The following PCDHGA12 variants were observed in gnomAD, a reference collection of about 807,000 sequenced individuals.
PCDHGA12 encodes the protein protocadherin gamma-A12.
PCDHGA12 carries 43 observed loss-of-function variants against 61.1 expected under a neutral mutation model. The observed-to-expected ratio is 0.70, with a 90% CI of 0.55 to 0.91. PCDHGA12 has a LOEUF of 0.91. Among genes scored for constraint, PCDHGA12 ranks in the 40% least tolerant of loss-of-function variants. The pLI is 0.00. For missense variants in PCDHGA12, 1,236 were observed against 1,227.7 expected (o/e 1.01, Z -0.10); for synonymous variants, 520 against 542.9 (o/e 0.96, Z 0.59).
chr5:141,497,693 C>T (rs2099778709), intron 2 of PCDHGA12, among the ~76,000 whole-genome samples: 2 of 152,136 alleles, frequency 1.3e-5, no homozygotes, highest in Admixed American at 6.5e-5. Context: ...GTGTGCACCA[C>T]CACACCCAGC....
rs1374094845 is a variant in PCDHGA12, at chr5:141,476,576, T to A, written c.2425-18231T>A. On this transcript the variant is annotated intron_variant, in intron 1 of 3. Coordinates refer to ENST00000252085, the MANE Select transcript of PCDHGA12 (RefSeq NM_003735.3). The surrounding 1 kb of genome is among the most constrained non-coding windows in gnomAD (Gnocchi z 7.6). Reference sequence around the variant, plus strand: ...CGAGGCCGTGGCTCCGGGGACGCGCTTTCCGCTCGAGAGCGCGCACGATCC... The same window carrying A: ...CGAGGCCGTGGCTCCGGGGACGCGCATTCCGCTCGAGAGCGCGCACGATCC... 3 of 1,614,102 alleles carry A rather than the reference T, an allele frequency of 1.9e-6. No individual in the cohort carries two copies. Among genetic ancestry groups the A allele is most frequent in the Middle Eastern group, 1.6e-4 (1 of 6,084 alleles).
intron 2 of PCDHGA12, among the ~76,000 whole-genome samples, chr5:141,503,340 T>A (rs1394172617): frequency 6.6e-6 from 1 of 152,064 alleles, no homozygotes; most frequent in African/African-American, 2.4e-5. Flanking sequence ...CTCACGCCTG[T>A]AATTCCAGCA....
At chr5:141,439,741 A>C (rs1303886454) in intron 1 of PCDHGA12, 1 of 152,352 alleles carries the variant, frequency 6.6e-6, no homozygotes, top group African/African-American at 2.4e-5. Flanking sequence ...AACGGAACGG[A>C]TTTACAGGCA....
intron 1 of PCDHGA12, among the ~76,000 whole-genome samples, chr5:141,466,534 T>C (rs1343781541): frequency 6.6e-6 from 1 of 152,214 alleles, no homozygotes; most frequent in Non-Finnish European, 1.5e-5. Flanking sequence ...CAAATTGATG[T>C]AGATGGTCTT....
In PCDHGA12 at chr5:141,489,120, G is replaced by C; in HGVS notation, c.2425-5687G>C. The C allele has an allele frequency of 1.1e-5, 5 of 445,662 alleles. No homozygotes were observed. Among genetic ancestry groups the C allele is most frequent in the East Asian group, 3.8e-5 (1 of 26,010 alleles). The allele number at this position is 445,662 out of a possible 1,614,324, so 27.6% of individuals were successfully genotyped here. ...AACTGCTGCAAGCAGGCAAACCTCC[G>C]AGCAGTTTTTAAGAGGCTGGAAGGA... On this transcript the variant is annotated intron_variant, in intron 1 of 3. Transcript: ENST00000252085. This position sits in a 1 kb window ranked among gnomAD's most constrained non-coding sequence, Gnocchi z 4.5.
chr5:141,492,220 C>T (rs1388948434), intron 1 of PCDHGA12, among the ~76,000 whole-genome samples: 2 of 152,190 alleles, frequency 1.3e-5, no homozygotes, highest in Non-Finnish European at 1.5e-5. Context: ...GGGGCTCATG[C>T]GTGTCCTCCC....
At chr5:141,464,223 CCACTGCA>C (rs916210777) in intron 1 of PCDHGA12, among the ~76,000 whole-genome samples, 4 of 150,824 alleles carry the variant, frequency 2.7e-5, no homozygotes, top group Non-Finnish European at 4.4e-5. Flanking sequence ...TGAGATTGCG[CCACTGCA>C]CTCCAGCCTG....
chr5:141,458,593 C>T (rs1352799952), intron 1 of PCDHGA12, among the ~76,000 whole-genome samples: 4 of 151,402 alleles, frequency 2.6e-5, no homozygotes, highest in Non-Finnish European at 5.9e-5. Flanking sequence ...GTTTTGGAGA[C>T]GAGTCTCACT....
rs1043628660 is a variant in PCDHGA12, at chr5:141,478,879, G to A, written c.2425-15928G>A. On this transcript the variant is annotated intron_variant, in intron 1 of 3. Coordinates refer to ENST00000252085, the MANE Select transcript of PCDHGA12 (RefSeq NM_003735.3). ...GATCTCAGCGATCAGAGTTTAGCTT[G>A]GTATCATTTACATTAGGAATAAGCT... is the stretch of plus-strand genomic sequence containing the variant. 9 of 1,243,630 alleles carry A rather than the reference G, an allele frequency of 7.2e-6. No homozygotes were observed. The African/African-American group carries it at 1.1e-4, about 15-fold the overall frequency. The allele number at this position is 1,243,630 out of a possible 1,614,324, so 77.0% of individuals were successfully genotyped here.
At chr5:141,500,947 C>T (rs933082173) in intron 2 of PCDHGA12, among the ~76,000 whole-genome samples, 15 of 151,822 alleles carry the variant, frequency 9.9e-5, no homozygotes, top group African/African-American at 3.6e-4. Context: ...CGGCTCACTG[C>T]AAGCTCCACC....
Position 141,486,638 on chromosome 5 carries a change from C to T in PCDHGA12, c.2425-8169C>T, listed in dbSNP as rs753730551. 5.6e-6 allele frequency: 9 copies of T among 1,613,700 alleles called. No homozygotes were observed. In the East Asian group the frequency reaches 8.9e-5, roughly 16 times the overall value. On this transcript the variant is annotated intron_variant, in intron 1 of 3. Coordinates refer to ENST00000252085, the MANE Select transcript of PCDHGA12 (RefSeq NM_003735.3). This position sits in a 1 kb window ranked among gnomAD's most constrained non-coding sequence, Gnocchi z 5.0. The stretch of plus-strand genomic sequence containing the variant: ...TGACCCAGACTCTGGCTTGAATGCG[C>T]TTATCTCCTACTCACTCCTGGAGCC...
chr5:141,456,703 G>A (rs528071544), intron 1 of PCDHGA12, among the ~76,000 whole-genome samples: 37 of 152,180 alleles, frequency 2.4e-4, no homozygotes, highest in Non-Finnish European at 4.9e-4. Context: ...GGTGGCTCGC[G>A]CCTGTAATCC....
rs967535805 is a variant in PCDHGA12 at position 141,490,206 on chromosome 5, C to T, written c.2425-4601C>T. 2.4e-5 allele frequency: 38 copies of T among 1,614,050 alleles called. No homozygotes were observed. In the Admixed American group the frequency reaches 5.0e-4, roughly 21 times the overall value. ...GTTTCTATGAAATTCATGCAAGAGCCCGTGACCAGGGACAGCCTGCCATGG... is the reference window on the plus strand; with the variant it reads ...GTTTCTATGAAATTCATGCAAGAGCTCGTGACCAGGGACAGCCTGCCATGG... On this transcript the variant is annotated intron_variant, in intron 1 of 3. Coordinates refer to ENST00000252085, the MANE Select transcript of PCDHGA12 (RefSeq NM_003735.3). This position sits in a 1 kb window ranked among gnomAD's most constrained non-coding sequence, Gnocchi z 5.4.
At chr5:141,441,499 GCCT>G (rs1350774469) in intron 1 of PCDHGA12, 5 of 169,932 alleles carry the variant, frequency 2.9e-5, no homozygotes, top group African/African-American at 1.2e-4. Context: ...TTTCTACCAG[GCCT>G]CCTACGTCGT....
Position 141,491,208 on chromosome 5 carries a change from C to A in PCDHGA12, c.2425-3599C>A. ...TGAGGGACAATGGTGACCCTTCACT[C>A]TCCTCCACAGCCACAGTGCTGCTGG... On this transcript the variant is annotated intron_variant, in intron 1 of 3. Coordinates refer to ENST00000252085, the MANE Select transcript of PCDHGA12 (RefSeq NM_003735.3). The surrounding 1 kb of genome is among the most constrained non-coding windows in gnomAD (Gnocchi z 6.9). The A allele has an allele frequency of 6.2e-7, 1 of 1,614,204 alleles. No homozygotes were observed. Among genetic ancestry groups the A allele is most frequent in the African/African-American group, 1.3e-5 (1 of 75,058 alleles).
At chr5:141,433,212 T>C (rs747556366) in intron 1 of PCDHGA12, 29 bp downstream of exon 1, 75 of 1,570,956 alleles carry the variant, frequency 4.8e-5, no homozygotes, top group Non-Finnish European at 6.2e-5. Flanking sequence ...TTCTTTCTTT[T>C]TTTTTTTTAA....
At chr5:141,453,481 T>TA (rs1178324090) in intron 1 of PCDHGA12, among the ~76,000 whole-genome samples, 1 of 151,928 alleles carries the variant, frequency 6.6e-6, no homozygotes, top group African/African-American at 2.4e-5. Context: ...TCAAAACTAT[T>TA]AAAAAAAGGT....
At position 141,485,272 on chromosome 5, in the gene PCDHGA12, C is replaced by T. The variant is rs764196730; in HGVS notation, c.2425-9535C>T. The T allele has an allele frequency of 1.9e-6, 3 of 1,613,948 alleles. No homozygotes were observed. The highest frequency in any genetic ancestry group is 2.7e-5 in the African/African-American group (2 of 74,932). On this transcript the variant is annotated intron_variant, in intron 1 of 3. Transcript: ENST00000252085. The surrounding 1 kb of genome is among the most constrained non-coding windows in gnomAD (Gnocchi z 5.7). ...GTTACGTTTGTGGGCAGATCCGCTACCCGGTCCCAGAGGAGTCACAGGAAG... is the reference window on the plus strand; with the variant it reads ...GTTACGTTTGTGGGCAGATCCGCTATCCGGTCCCAGAGGAGTCACAGGAAG...
intron 1 of PCDHGA12, among the ~76,000 whole-genome samples, chr5:141,472,648 C>G (rs762736307): frequency 1.3e-5 from 2 of 151,864 alleles, no homozygotes; most frequent in African/African-American, 4.8e-5. Flanking sequence ...TGTGTTGAAT[C>G]AGTATATAAA....
Sources: allele counts gnomAD v4.1 joint callset (sites outside exome capture counted in the v4.1 genomes callset), GRCh38; gene constraint gnomAD v4.1.1; non-coding constraint Gnocchi (gnomAD v3.1); transcripts MANE v1.5; gene names NCBI Gene and HGNC (gene_info 2026-07-23, HGNC 2026-07-21).